Variants in KDELR2 observed in about 807,000 individuals in gnomAD.
KDELR2 encodes ER lumen protein-retaining receptor 2.
KDELR2 carries 15 observed loss-of-function variants against 23.9 expected under a neutral mutation model. The observed-to-expected ratio is 0.63, with a 90% confidence interval of 0.42 to 0.97. KDELR2 has a LOEUF of 0.97. KDELR2 is among the 50% of genes least tolerant of loss of function. The probability of loss-of-function intolerance (pLI) is 0.00; values close to 1 mark genes in which losing one functional copy is unlikely to be tolerated. For synonymous variants in KDELR2, 119 were observed against 106.2 expected (o/e 1.12, Z -0.74); for missense variants, 272 against 254.6 (o/e 1.07, Z -0.46).
At chr7:6,466,000 A>C in intron 4 of KDELR2, 71 bp downstream of exon 4, 12 of 1,509,956 alleles carry the variant, frequency 7.9e-6, no homozygotes, top group South Asian at 1.2e-5. Flanking sequence ...CCAGATTAGA[A>C]GAGTGCTGGG....
intron 1 of KDELR2, among the ~76,000 whole-genome samples, chr7:6,477,514 T>A (rs1391009036): frequency 6.6e-6 from 1 of 152,206 alleles, no homozygotes; most frequent in Non-Finnish European, 1.5e-5. Flanking sequence ...CCCAGAATAC[T>A]CACTTTTGTA....
intron 2 of KDELR2, among the ~76,000 whole-genome samples, chr7:6,471,126 AAAATAAATAAAT>A (rs143204446): frequency 1.8e-5 from 2 of 111,050 alleles, no homozygotes; most frequent in Non-Finnish European, 3.3e-5. Flanking sequence ...AAAAAAATAA[AAAATAAATAAAT>A]AAATAAATAA....
chr7:6,462,851 A>T lies in KDELR2; in HGVS notation c.*290T>A. On this transcript the variant is annotated 3_prime_UTR_variant, in exon 5 of 5. Coordinates refer to ENST00000258739, the MANE Select transcript of KDELR2 (RefSeq NM_006854.4). ...TGCACTTATTCCTCACAAAATCTTC[A>T]CTTTTGGAACTATCCCAATTGAAGC... The T allele has an allele frequency of 2.2e-6, 2 of 894,930 alleles. No individual in the cohort carries two copies. The highest frequency in any genetic ancestry group is 3.2e-6 in the Non-Finnish European group (2 of 623,328). 55.4% of individuals were successfully genotyped at this position (894,930 alleles called of 1,614,324 possible).
At chr7:6,469,075 C>T (rs375141923) in intron 3 of KDELR2, among the ~76,000 whole-genome samples, 77 of 152,024 alleles carry the variant, frequency 5.1e-4, no homozygotes, top group African/African-American at 1.7e-3. Context: ...CCTCAGCCTC[C>T]CCAGTAGCTG....
intron 1 of KDELR2, 98 bp from the exon 2 acceptor site, chr7:6,474,382 C>T (rs1785713390): frequency 4.3e-5 from 35 of 804,936 alleles, no homozygotes; most frequent in South Asian, 4.3e-4. Flanking sequence ...AGGAGGGGTG[C>T]GTGGGGTCAA....
chr7:6,481,425 C>T lies in KDELR2; in HGVS notation c.91+2542G>A, dbSNP rs182259313. ...ATTCTGAAGTTGCACTAAATTCTCC[C>T]AAATATCTTAGTTTGGATAAAAGTT... is the stretch of plus-strand genomic sequence containing the variant. On this transcript the variant is annotated intron_variant, in intron 1 of 4. Transcript: ENST00000258739. Among the ~76,000 whole-genome samples the T allele has an allele frequency of 1.0e-3, 156 of 151,246 alleles. 1 individual carries two copies. The highest frequency in any genetic ancestry group is 1.7e-3 in the Non-Finnish European group (114 of 67,838).
chr7:6,483,495 G>A (rs1583323298), intron 1 of KDELR2, among the ~76,000 whole-genome samples: 1 of 152,202 alleles, frequency 6.6e-6, no homozygotes, highest in East Asian at 1.9e-4. Context: ...CCCACCTCCC[G>A]AGCTGGCTGG....
chr7:6,471,184 T>TG (rs1785629894), intron 2 of KDELR2, among the ~76,000 whole-genome samples: 2 of 123,058 alleles, frequency 1.6e-5, no homozygotes, highest in Non-Finnish European at 3.6e-5. Context: ...CGGTTTTTTT[T>TG]TTTTTTTTTT....
intron 3 of KDELR2, among the ~76,000 whole-genome samples, chr7:6,468,283 T>C (rs1353569693): frequency 6.6e-6 from 1 of 152,212 alleles, no homozygotes; most frequent in African/African-American, 2.4e-5. Flanking sequence ...CTACACGATC[T>C]GCAAACATGC....
At position 6,475,344 on chromosome 7, in the gene KDELR2, G is replaced by A. The variant is rs371477862; in HGVS notation, c.92-1060C>T. 1.5e-4 allele frequency among the ~76,000 whole-genome samples: 23 copies of A among 152,260 alleles called. No individual in the cohort carries two copies. In the East Asian group the frequency reaches 1.5e-3, roughly 10 times the overall value. ...TGGGAGGTTGAGGTGGGAGGATTGC[G>A]TGACTCCAGGAGGCTGAGGCTGAGT... On this transcript the variant is annotated intron_variant, in intron 1 of 4. Coordinates refer to ENST00000258739, the MANE Select transcript of KDELR2 (RefSeq NM_006854.4).
chr7:6,482,698 T>C (rs556627008), intron 1 of KDELR2: 3 of 312,152 alleles, frequency 9.6e-6, no homozygotes, highest in African/African-American at 6.6e-5. Flanking sequence ...GATCATCTTT[T>C]ACTGCCTCTG....
chr7:6,465,486 T>TA (rs397767488), intron 4 of KDELR2, among the ~76,000 whole-genome samples: 3 of 141,222 alleles, frequency 2.1e-5, no homozygotes, highest in African/African-American at 7.7e-5. Context: ...CTGGCATAAA[T>TA]GTTTTTTTTT....
intron 3 of KDELR2, among the ~76,000 whole-genome samples, chr7:6,468,501 G>C (rs1467264865): frequency 6.6e-6 from 1 of 150,490 alleles, no homozygotes; most frequent in Non-Finnish European, 1.5e-5. Flanking sequence ...GCTAATTTTT[G>C]ATTTTCTTTC....
intron 1 of KDELR2, chr7:6,482,621 G>A: frequency 2.2e-6 from 1 of 463,550 alleles, no homozygotes; most frequent in South Asian, 1.6e-5. Flanking sequence ...ATGTAAGTGT[G>A]ACTTTAGACG....
chr7:6,471,815 C>A (rs1411379983), intron 2 of KDELR2, among the ~76,000 whole-genome samples: 3 of 152,048 alleles, frequency 2.0e-5, no homozygotes, highest in Admixed American at 6.5e-5. Context: ...CATTTGCGTA[C>A]AAGTGTTTGT....
chr7:6,472,646 A>G (rs1050955209), intron 2 of KDELR2, among the ~76,000 whole-genome samples: 2 of 152,206 alleles, frequency 1.3e-5, no homozygotes, highest in African/African-American at 4.8e-5. Context: ...GCTTTTTAGT[A>G]AAGACCAGAC....
chr7:6,472,893 T>G (rs1337289816), intron 2 of KDELR2, among the ~76,000 whole-genome samples: 2 of 136,248 alleles, frequency 1.5e-5, no homozygotes, highest in Non-Finnish European at 3.2e-5. Flanking sequence ...TGAGAGCCCC[T>G]GTTCTTTTTT....
intron 3 of KDELR2, among the ~76,000 whole-genome samples, chr7:6,467,068 A>T (rs1264625702): frequency 6.6e-6 from 1 of 152,146 alleles, no homozygotes; most frequent in Admixed American, 6.6e-5. Flanking sequence ...AAGCTGGGTA[A>T]CCTGGACACC....
chr7:6,464,734 C>CTTTT (rs201529691), intron 4 of KDELR2, among the ~76,000 whole-genome samples: 1 of 111,230 alleles, frequency 9.0e-6, no homozygotes, highest in Non-Finnish European at 1.9e-5. Context: ...TCTTTTTTTT[C>CTTTT]TTTTTTTTTT....
Sources: gnomAD v4.1 joint callset for allele counts (sites outside exome capture counted in the v4.1 genomes callset) on GRCh38, gnomAD v4.1.1 for gene constraint, MANE v1.5 for transcripts, NCBI Gene and HGNC (gene_info 2026-07-23, HGNC 2026-07-21) for gene names.